Variants in PCDHA9 observed in about 807,000 individuals in gnomAD.
PCDHA9 encodes protocadherin alpha-9.
PCDHA9 carries 62 observed loss-of-function variants against 62.0 expected under a neutral mutation model. The ratio of observed to expected loss-of-function variants is 1.00; its 90% CI spans 0.81 to 1.23. PCDHA9 has a LOEUF of 1.23. Among genes scored for constraint, PCDHA9 ranks in the 50% most tolerant of loss-of-function variants. The probability of loss-of-function intolerance (pLI) is 0.00; values close to 1 mark genes in which losing one functional copy is unlikely to be tolerated. For synonymous variants in PCDHA9, 557 were observed against 567.6 expected (o/e 0.98, Z 0.27); for missense variants, 1,205 against 1,249.8 (o/e 0.96, Z 0.54).
chr5:140,960,111 A>G (rs1554224465), intron 1 of PCDHA9, among the ~76,000 whole-genome samples: 1 of 152,256 alleles, frequency 6.6e-6, no homozygotes, highest in African/African-American at 2.4e-5. Flanking sequence ...TGTGGGAACA[A>G]TAGTATTCCT....
At chr5:140,865,279 T>C (rs2048807818) in intron 1 of PCDHA9, 1 of 152,232 alleles carries the variant, frequency 6.6e-6, no homozygotes, top group African/African-American at 2.4e-5. Flanking sequence ...TATGTAAAAT[T>C]ACTTTGCTCT....
chr5:140,955,571 G>A (rs1371078633), intron 1 of PCDHA9, among the ~76,000 whole-genome samples: 2 of 152,158 alleles, frequency 1.3e-5, no homozygotes, highest in Non-Finnish European at 2.9e-5. Flanking sequence ...ACTGAACTGT[G>A]AGTCAATTAA....
chr5:140,883,000 ATCCGT>A (rs1554176436), intron 1 of PCDHA9: 1 of 1,614,138 alleles, frequency 6.2e-7, no homozygotes, highest in Non-Finnish European at 8.5e-7. Flanking sequence ...AATTTTACCA[ATCCGT>A]TTATAAAGTG....
chr5:140,869,180 T>C (rs782798909), intron 1 of PCDHA9: 1 of 1,613,322 alleles, frequency 6.2e-7, no homozygotes, highest in Admixed American at 1.7e-5. Flanking sequence ...TTCTGGGAGG[T>C]GGGGAGCGGC....
In PCDHA9 at chr5:141,003,093, C is replaced by T. The variant is rs80317990; in HGVS notation, c.2543-6534C>T. 2.0e-4 allele frequency among the ~76,000 whole-genome samples: 30 copies of T among 152,330 alleles called. No individual in the cohort carries two copies. The East Asian group carries it at 5.4e-3, about 27-fold the overall frequency. ...ATGAGGGTGAGTTTAACAGGCCTGG[C>T]ATTTGCTTCACAATCTTCTGGCCCT... On this transcript the variant is annotated intron_variant, in intron 3 of 3. Coordinates refer to ENST00000532602, the MANE Select transcript of PCDHA9 (RefSeq NM_031857.2).
Position 140,927,866 on chromosome 5 carries a change from A to G in PCDHA9, c.2395-51083A>G, listed in dbSNP as rs1554205166. The G allele has an allele frequency of 2.5e-6, 4 of 1,614,224 alleles. No individual in the cohort carries two copies. In the Admixed American group the frequency reaches 6.7e-5, roughly 27 times the overall value. On this transcript the variant is annotated intron_variant, in intron 1 of 3. Transcript: ENST00000532602. Reference sequence around the variant, plus strand: ...GTCTTTGGTTTAGCTAGCACCGCTAAACTGCTGGTGGAGGTGACTGACGTG... The same window carrying G: ...GTCTTTGGTTTAGCTAGCACCGCTAGACTGCTGGTGGAGGTGACTGACGTG...
intron 1 of PCDHA9, chr5:140,968,020 C>T: frequency 1.2e-6 from 2 of 1,614,202 alleles, no homozygotes; most frequent in Non-Finnish European, 1.7e-6. Flanking sequence ...TTGGAAACTC[C>T]TATACACTGG....
rs1554169418 is a variant in PCDHA9 at position 140,877,179 on chromosome 5, G to C, written c.2394+26290G>C. 3 of 1,613,712 alleles carry C rather than the reference G, an allele frequency of 1.9e-6. No individual in the cohort carries two copies. The South Asian group carries it at 3.3e-5, about 18-fold the overall frequency. ...ACGCGCCGGCACTGCTGGCGACTCCGGCTGGCAGCGCAGGAGGCGCAGTTA... is the reference window on the plus strand; with the variant it reads ...ACGCGCCGGCACTGCTGGCGACTCCCGCTGGCAGCGCAGGAGGCGCAGTTA... On this transcript the variant is annotated intron_variant, in intron 1 of 3. Coordinates refer to ENST00000532602, the MANE Select transcript of PCDHA9 (RefSeq NM_031857.2).
intron 1 of PCDHA9, among the ~76,000 whole-genome samples, chr5:140,906,606 G>A (rs2072783004): frequency 6.6e-6 from 1 of 152,208 alleles, no homozygotes; most frequent in Non-Finnish European, 1.5e-5. Context: ...TACTCATTCT[G>A]TATTCCCTTT....
At chr5:140,927,204 G>C (rs1554204171) in intron 1 of PCDHA9, 1 of 1,614,112 alleles carries the variant, frequency 6.2e-7, no homozygotes, top group Middle Eastern at 1.6e-4. Flanking sequence ...TCGAGGACCC[G>C]CTGGAGCTGC....
rs2042132176 is a variant in PCDHA9, at chr5:140,851,700, G to A, written c.2394+811G>A. On this transcript the variant is annotated intron_variant, in intron 1 of 3. Transcript: ENST00000532602. ...TCTCCATTCAGTGATAAAATGATCA[G>A]CCATGTGAAGATTCGAAACTTCGAG... 4.2e-6 allele frequency: 4 copies of A among 943,922 alleles called. 1 individual carries two copies. Among genetic ancestry groups the A allele is most frequent in the Admixed American group, 1.3e-4 (2 of 15,858 alleles). The allele number at this position is 943,922 out of a possible 1,614,324, so 58.5% of individuals were successfully genotyped here. A position where few individuals can be genotyped will look rare whatever the true frequency, so the allele number is the denominator to read the frequency against.
At position 140,870,703 on chromosome 5, in the gene PCDHA9, G is replaced by C. The variant is rs899824906; in HGVS notation, c.2394+19814G>C. On this transcript the variant is annotated intron_variant, in intron 1 of 3. Coordinates refer to ENST00000532602, the MANE Select transcript of PCDHA9 (RefSeq NM_031857.2). ...GGAGCTGGAGCTGCTACAGTTCCAG[G>C]TGAGCGCGCGCGATGCGGGCGTGCC... is the stretch of plus-strand genomic sequence containing the variant. 6 of 1,613,034 alleles carry C rather than the reference G, an allele frequency of 3.7e-6. No homozygotes were observed. In the Admixed American group the frequency reaches 1.0e-4, roughly 27 times the overall value.
chr5:140,924,110 CAGTT>C (rs1462987261), intron 1 of PCDHA9, among the ~76,000 whole-genome samples: 2 of 152,206 alleles, frequency 1.3e-5, no homozygotes, highest in Non-Finnish European at 2.9e-5. Flanking sequence ...CATTCCAAAG[CAGTT>C]AGCTTGCTTA....
In PCDHA9 at chr5:140,850,656, C is replaced by T; in HGVS notation, c.2161C>T (p.Leu721=). ...LVLTLLLYTV[L]RCSAMPTEGE... is the part of the protein sequence containing the mutation. ...TCTCACGCTGCTGCTGTACACTGTG[C>T]TGCGGTGCTCGGCGATGCCCACCGA... Residue 721 remains leucine, a synonymous_variant, in exon 1 of 4, where the codon CTG becomes TTG. Coordinates refer to ENST00000532602, the MANE Select transcript of PCDHA9 (RefSeq NM_031857.2). 6.3e-7 allele frequency: 1 copy of T among 1,598,598 alleles called. No individual in the cohort carries two copies. The highest frequency in any genetic ancestry group is 8.6e-7 in the Non-Finnish European group (1 of 1,167,890).
rs144574743 is a variant in PCDHA9, at chr5:140,848,603, G to C, written c.108G>C (p.Pro36=). ...VGSGQLHYSV[P]EEAEHGTFVG... ...GCGGCCAGCTCCACTACTCCGTCCCGGAGGAAGCCGAACACGGCACCTTCG... is the reference window on the plus strand; with the variant it reads ...GCGGCCAGCTCCACTACTCCGTCCCCGAGGAAGCCGAACACGGCACCTTCG... Residue 36 remains proline (P), a synonymous_variant, in exon 1 of 4, where the codon CCG becomes CCC. Transcript: ENST00000532602. 5,441 of 1,581,086 alleles carry C rather than the reference G, an allele frequency of 3.4e-3. 700 individuals are homozygous for C. Among genetic ancestry groups the C allele is most frequent in the Middle Eastern group, 0.011 (64 of 5,726 alleles).
chr5:140,871,702 T>C, intron 1 of PCDHA9: 1 of 877,954 alleles, frequency 1.1e-6, no homozygotes, highest in Non-Finnish European at 1.7e-6. Flanking sequence ...CTTTAACCAA[T>C]AAATGTCCTA....
intron 2 of PCDHA9, among the ~76,000 whole-genome samples, chr5:140,979,611 C>T (rs549836811): frequency 5.9e-5 from 9 of 152,266 alleles, no homozygotes; most frequent in South Asian, 2.1e-4. Flanking sequence ...CCTAGAGTAA[C>T]GGTATTAGTC....
chr5:140,949,679 T>A (rs246046), intron 1 of PCDHA9, among the ~76,000 whole-genome samples: 85,531 of 151,538 alleles, frequency 0.56, 24,739 homozygotes, highest in African/African-American at 0.69. Context: ...ATGCCCTTGT[T>A]GAAGCGTATT....
intron 1 of PCDHA9, among the ~76,000 whole-genome samples, chr5:140,908,825 G>A (rs1554193511): frequency 1.3e-5 from 2 of 152,252 alleles, no homozygotes; most frequent in South Asian, 2.1e-4. Flanking sequence ...TGGGTTACTC[G>A]ATAAATGGGC....
Sources: gnomAD v4.1 joint callset for allele counts (sites outside exome capture counted in the v4.1 genomes callset) on GRCh38, gnomAD v4.1.1 for gene constraint, MANE v1.5 for transcripts, NCBI Gene and HGNC (gene_info 2026-07-23, HGNC 2026-07-21) for gene names.